The following GLIS3 variants were observed in gnomAD, a reference collection of about 807,000 sequenced individuals.
GLIS3 encodes zinc finger protein GLIS3.
In GLIS3, 53 loss-of-function variants were observed where a neutral mutation model predicts 78.6. The ratio of observed to expected loss-of-function variants is 0.67; its 90% CI spans 0.54 to 0.85. GLIS3 has a LOEUF of 0.85. Among genes scored for constraint, GLIS3 ranks in the 40% least tolerant of loss-of-function variants. The pLI is 0.00. For synonymous variants in GLIS3, 684 were observed against 509.9 expected (o/e 1.34, Z -4.60); for missense variants, 1,703 against 1,231.1 (o/e 1.38, Z -5.74).
At position 4,075,162 on chromosome 9, in the gene GLIS3, C is replaced by T. The variant is rs183519795; in HGVS notation, c.1710+42606G>A. 2.7e-3 allele frequency among the ~76,000 whole-genome samples: 393 copies of T among 145,442 alleles called. 3 individuals are homozygous for T. The highest frequency in any genetic ancestry group is 1.0e-2 in the African/African-American group (363 of 36,330). ...AATACGTTCAGTGCATTTACTGTGGCGATGGTACCACGAGTGTATGCATAT... is the reference window on the plus strand; with the variant it reads ...AATACGTTCAGTGCATTTACTGTGGTGATGGTACCACGAGTGTATGCATAT... On this transcript the variant is annotated intron_variant, in intron 4 of 10. Coordinates refer to ENST00000381971, the MANE Select transcript of GLIS3 (RefSeq NM_001042413.2).
the GLIS3 span, among the ~76,000 whole-genome samples, chr9:4,457,892 G>C: frequency 2.0e-5 from 3 of 151,862 alleles, no homozygotes; most frequent in Admixed American, 2.0e-4. Flanking sequence ...ATGATACTAG[G>C]TTAAAAATCC....
At chr9:4,152,358 A>G (rs1189735935) in intron 2 of GLIS3, among the ~76,000 whole-genome samples, 1 of 152,150 alleles carries the variant, frequency 6.6e-6, no homozygotes, top group African/African-American at 2.4e-5. Flanking sequence ...GACATTCCCA[A>G]CTCTATAACA....
At chr9:3,837,698 T>C (rs1663710095) in intron 9 of GLIS3, among the ~76,000 whole-genome samples, 1 of 152,212 alleles carries the variant, frequency 6.6e-6, no homozygotes, top group South Asian at 2.1e-4. Context: ...GCTGCATGAC[T>C]CCAACTATAC....
chr9:4,427,885 A>G, the GLIS3 span, among the ~76,000 whole-genome samples: 1 of 152,042 alleles, frequency 6.6e-6, no homozygotes, highest in African/African-American at 2.4e-5. Flanking sequence ...CAATTAGAAA[A>G]TAATTATACT....
Position 3,942,003 on chromosome 9 carries a change from T to G in GLIS3, c.1711-4814A>C, listed in dbSNP as rs146874389. 5.9e-3 allele frequency among the ~76,000 whole-genome samples: 897 copies of G among 152,316 alleles called. 14 individuals carry two copies. The highest frequency in any genetic ancestry group is 0.021 in the African/African-American group (861 of 41,578). ...GAGGCTTTGTGTAAGGTTCTAAAAA[T>G]GAAAGGCTCATTAGACACCATTAAA... On this transcript the variant is annotated intron_variant, in intron 4 of 10. Transcript: ENST00000381971.
At chr9:3,873,905 T>C (rs1223080464) in intron 8 of GLIS3, among the ~76,000 whole-genome samples, 1 of 152,224 alleles carries the variant, frequency 6.6e-6, no homozygotes, top group Non-Finnish European at 1.5e-5. Flanking sequence ...TTGTTCCTCA[T>C]ATTTTCTGCT....
intron 2 of GLIS3, among the ~76,000 whole-genome samples, chr9:4,194,981 T>G (rs1167255082): frequency 6.6e-6 from 1 of 152,156 alleles, no homozygotes; most frequent in East Asian, 1.9e-4. Flanking sequence ...AAAGGCATTT[T>G]AGTCTCAGCC....
At chr9:4,013,518 C>G (rs770096856) in intron 4 of GLIS3, among the ~76,000 whole-genome samples, 25 of 152,208 alleles carry the variant, frequency 1.6e-4, no homozygotes, top group Admixed American at 1.6e-3. Flanking sequence ...AAAGACTAAT[C>G]TGCATACACA....
intron 2 of GLIS3, among the ~76,000 whole-genome samples, chr9:4,215,073 AG>A (rs377139174): frequency 4.6e-5 from 7 of 152,200 alleles, no homozygotes; most frequent in African/African-American, 1.7e-4. Context: ...TTGATGGTGC[AG>A]AGATTCACAA....
At chr9:4,282,579 C>T (rs140876686) in intron 2 of GLIS3, among the ~76,000 whole-genome samples, 12 of 152,218 alleles carry the variant, frequency 7.9e-5, no homozygotes, top group Admixed American at 3.3e-4. Flanking sequence ...AGCCTTCAGA[C>T]AGGGACTACA....
At chr9:4,180,248 C>T (rs144235461) in intron 2 of GLIS3, among the ~76,000 whole-genome samples, 16 of 152,242 alleles carry the variant, frequency 1.1e-4, no homozygotes, top group Non-Finnish European at 1.2e-4. Context: ...AGTTTCCCAC[C>T]GGCATGATCT....
chr9:4,029,429 C>T (rs974083193), intron 4 of GLIS3, among the ~76,000 whole-genome samples: 5 of 152,074 alleles, frequency 3.3e-5, no homozygotes, highest in African/African-American at 1.2e-4. Flanking sequence ...GTTATCCGTC[C>T]CCTTAAGCAT....
chr9:4,425,302 C>G, the GLIS3 span, among the ~76,000 whole-genome samples: 1 of 152,182 alleles, frequency 6.6e-6, no homozygotes, highest in Non-Finnish European at 1.5e-5. Flanking sequence ...GACTGTTTCC[C>G]TTTATCAAAG....
At chr9:4,142,667 C>A (rs1564110445) in intron 2 of GLIS3, among the ~76,000 whole-genome samples, 4 of 152,062 alleles carry the variant, frequency 2.6e-5, no homozygotes, top group Non-Finnish European at 4.4e-5. Flanking sequence ...AATAAATCCC[C>A]AAAAGTCATC....
At position 4,022,368 on chromosome 9, in the gene GLIS3, G is replaced by C. The variant is rs190179684; in HGVS notation, c.1711-85179C>G. 1.8e-3 allele frequency among the ~76,000 whole-genome samples: 278 copies of C among 152,254 alleles called. 2 individuals carry two copies. Among genetic ancestry groups the C allele is most frequent in the African/African-American group, 6.5e-3 (271 of 41,552 alleles). ...CTTTTTAAGAGCATATTTTATAAAA[G>C]CACATTTTCAGCATGCGTTTTTAAT... On this transcript the variant is annotated intron_variant, in intron 4 of 10. Transcript: ENST00000381971.
At chr9:4,369,869 G>A in the GLIS3 span, among the ~76,000 whole-genome samples, 7 of 152,278 alleles carry the variant, frequency 4.6e-5, no homozygotes, top group African/African-American at 1.4e-4. Flanking sequence ...ATTGCAGGAC[G>A]TGGTGAATGG....
intron 4 of GLIS3, among the ~76,000 whole-genome samples, chr9:4,037,030 G>A (rs762591011): frequency 2.0e-5 from 3 of 152,080 alleles, no homozygotes; most frequent in East Asian, 1.9e-4. Context: ...AACCTTTGCT[G>A]TATAATTTAC....
intron 7 of GLIS3, among the ~76,000 whole-genome samples, chr9:3,885,534 CTT>C (rs1822019174): frequency 6.6e-6 from 1 of 152,160 alleles, no homozygotes; most frequent in Non-Finnish European, 1.5e-5. Flanking sequence ...GACATTATTG[CTT>C]GGTGGCTGGA....
At chr9:4,044,053 A>G (rs1240834995) in intron 4 of GLIS3, among the ~76,000 whole-genome samples, 2 of 152,148 alleles carry the variant, frequency 1.3e-5, no homozygotes, top group Non-Finnish European at 2.9e-5. Context: ...AACATCACCA[A>G]TAGGGTCCGG....
Sources: gnomAD v4.1 joint callset for allele counts (sites outside exome capture counted in the v4.1 genomes callset) on GRCh38, gnomAD v4.1.1 for gene constraint, MANE v1.5 for transcripts, NCBI Gene and HGNC (gene_info 2026-07-23, HGNC 2026-07-21) for gene names.